The following UNC13B variants were observed in gnomAD, a reference collection of about 807,000 sequenced individuals.
UNC13B encodes protein unc-13 homolog B.
In UNC13B, 144 loss-of-function variants were observed where a neutral mutation model predicts 211.0. The ratio of observed to expected loss-of-function variants is 0.68; its 90% CI spans 0.60 to 0.78. The LOEUF (loss-of-function observed/expected upper bound fraction) is 0.78. UNC13B is among the 30% of genes least tolerant of loss of function. UNC13B has a pLI of 0.00. For missense variants in UNC13B, 1,777 were observed against 2,002.0 expected (o/e 0.89, Z 2.14); for synonymous variants, 709 against 725.8 (o/e 0.98, Z 0.37).
At chr9:35,182,430 T>A (rs1178563314) in intron 1 of UNC13B, among the ~76,000 whole-genome samples, 1 of 151,676 alleles carries the variant, frequency 6.6e-6, no homozygotes, top group Non-Finnish European at 1.5e-5. Flanking sequence ...TTTATTTTTT[T>A]AACACAAAAT....
At chr9:35,210,529 A>ATTT (rs5897596) in intron 1 of UNC13B, among the ~76,000 whole-genome samples, 1 of 148,410 alleles carries the variant, frequency 6.7e-6, no homozygotes, top group African/African-American at 2.5e-5. Context: ...TAATAAACTT[A>ATTT]TTTTTTTTTT....
In UNC13B at chr9:35,310,765, C is replaced by A; in HGVS notation, c.9307C>A (p.Leu3103Ile). The change falls in exon 10 of 40, where the codon CTA becomes ATA. Residue 3103 changes from leucine to isoleucine, a missense_variant. Coordinates refer to ENST00000635942, the MANE Select transcript of UNC13B (RefSeq NM_001371189.2). ...PDLVLQKDHF[L>I]GPQESFPEEN... is the part of the protein sequence containing the mutation. ...TCTGGTGCTGCAAAAAGACCACTTCCTAGGTCCCCAGGAGAGGTAGGCAAC... is the reference window on the plus strand; with the variant it reads ...TCTGGTGCTGCAAAAAGACCACTTCATAGGTCCCCAGGAGAGGTAGGCAAC... 1 of 1,613,636 alleles carries A rather than the reference C, an allele frequency of 6.2e-7. No homozygotes were observed. Among genetic ancestry groups the A allele is most frequent in the Non-Finnish European group, 8.5e-7 (1 of 1,179,790 alleles).
At chr9:35,323,418 G>A (rs1041914876) in intron 11 of UNC13B, among the ~76,000 whole-genome samples, 3 of 152,116 alleles carry the variant, frequency 2.0e-5, no homozygotes, top group Non-Finnish European at 4.4e-5. Flanking sequence ...TGCAAATCCT[G>A]TACATAAGCC....
At chr9:35,249,633 A>G (rs1387624466) in intron 6 of UNC13B, among the ~76,000 whole-genome samples, 2 of 152,152 alleles carry the variant, frequency 1.3e-5, no homozygotes, top group Non-Finnish European at 2.9e-5. Context: ...TTGGCTGGAT[A>G]TGAAATTCTG....
At chr9:35,355,914 T>C (rs1360548917) in intron 11 of UNC13B, among the ~76,000 whole-genome samples, 1 of 152,240 alleles carries the variant, frequency 6.6e-6, no homozygotes, top group Non-Finnish European at 1.5e-5. Flanking sequence ...GCACCAATGA[T>C]GAGGACACTT....
chr9:35,365,463 G>A (rs990072219), intron 11 of UNC13B, among the ~76,000 whole-genome samples: 3 of 152,186 alleles, frequency 2.0e-5, no homozygotes, highest in East Asian at 1.9e-4. Flanking sequence ...CTTAAGCCCA[G>A]TGGTTTCTGG....
chr9:35,162,236 C>T lies in UNC13B; in HGVS notation c.-48C>T. ...GCACCTGCTGAGAGGAAAGAGGGAGCGGTCCGGCGCGGCTGGGGCGCGGCA... is the reference window on the plus strand; with the variant it reads ...GCACCTGCTGAGAGGAAAGAGGGAGTGGTCCGGCGCGGCTGGGGCGCGGCA... On this transcript the variant is annotated 5_prime_UTR_variant, in exon 1 of 40. Transcript: ENST00000635942. 3 of 1,541,696 alleles carry T rather than the reference C, an allele frequency of 1.9e-6. No individual in the cohort carries two copies. The highest frequency in any genetic ancestry group is 1.7e-6 in the Non-Finnish European group (2 of 1,146,510).
At position 35,353,695 on chromosome 9, in the gene UNC13B, C is replaced by T. The variant is rs993374632; in HGVS notation, c.9415-13252C>T. On this transcript the variant is annotated intron_variant, in intron 11 of 39. Transcript: ENST00000635942. ...TGTGTACAGAGACCGTTTACCTCAA[C>T]AAGTGCATCAACAATTTTAAGAATG... is the stretch of plus-strand genomic sequence containing the variant. 4.1e-6 allele frequency: 5 copies of T among 1,232,008 alleles called. No homozygotes were observed. The African/African-American group carries it at 6.2e-5, about 15-fold the overall frequency. 76.3% of individuals were successfully genotyped at this position (1,232,008 alleles called of 1,614,324 possible).
chr9:35,242,957 G>T (rs568306939), intron 5 of UNC13B, among the ~76,000 whole-genome samples: 2 of 152,066 alleles, frequency 1.3e-5, no homozygotes, highest in African/African-American at 4.8e-5. Context: ...AGGTAGTATG[G>T]TTACATAGAA....
In UNC13B at chr9:35,366,964, C is replaced by T; in HGVS notation, c.9432C>T (p.Asp3144=). 1.9e-6 allele frequency: 3 copies of T among 1,613,938 alleles called. No individual in the cohort carries two copies. Among genetic ancestry groups the T allele is most frequent in the South Asian group, 1.1e-5 (1 of 91,070 alleles). ...TTTTAAAGATTCCAGATGATGGTGACCCCTCTCTGCCTCAGTGGCTCCCGG... is the reference window on the plus strand; with the variant it reads ...TTTTAAAGATTCCAGATGATGGTGATCCCTCTCTGCCTCAGTGGCTCCCGG... The part of the protein sequence containing the change: ...LQLQEIPDDG[D]PSLPQWLPEG... Residue 3144 remains aspartate, a synonymous_variant, in exon 12 of 40, where the codon GAC becomes GAT. Transcript: ENST00000635942.
chr9:35,347,745 C>T (rs969374525), intron 11 of UNC13B, among the ~76,000 whole-genome samples: 2 of 152,220 alleles, frequency 1.3e-5, no homozygotes, highest in Middle Eastern at 3.2e-3. Flanking sequence ...GCTGCTATGG[C>T]AGCTCTAGTT....
In UNC13B at chr9:35,302,104, T is replaced by C. The variant is rs1829713971; in HGVS notation, c.2700T>C (p.Asn900=). The part of the protein sequence containing the change: ...FSFTDSKVTV[N]DQSLRGSAVT... Reference sequence around the variant, plus strand: ...TCACTGACAGCAAGGTTACTGTTAATGACCAGAGTTTACGTGGCTCAGCAG... The same window carrying C: ...TCACTGACAGCAAGGTTACTGTTAACGACCAGAGTTTACGTGGCTCAGCAG... The change falls in exon 9 of 40, where the codon AAT becomes AAC. Residue 900 remains asparagine, a synonymous_variant. Transcript: ENST00000635942. The C allele has an allele frequency of 5.0e-6, 2 of 398,636 alleles. No homozygotes were observed. The highest frequency in any genetic ancestry group is 8.9e-6 in the Non-Finnish European group (2 of 225,844). The allele number at this position is 398,636 out of a possible 1,614,324, so 24.7% of individuals were successfully genotyped here. A position where few individuals can be genotyped will look rare whatever the true frequency, so the allele number is the denominator to read the frequency against.
rs748826271 is a variant in UNC13B at position 35,399,748 on chromosome 9, TCAGA to T, written c.12336+23_12336+26del. ...CATCAAGGTGGAGGCCCCCCCTTTTTCAGACAGTCTTAACCACCACACTCACTTG... is the reference window on the plus strand; with the variant it reads ...CATCAAGGTGGAGGCCCCCCCTTTTTCAGTCTTAACCACCACACTCACTTG... On this transcript the variant is annotated intron_variant, in intron 36 of 39. Transcript: ENST00000635942. 1.2e-6 allele frequency: 2 copies of T among 1,613,434 alleles called. No homozygotes were observed. Among genetic ancestry groups the T allele is most frequent in the African/African-American group, 2.7e-5 (2 of 74,854 alleles).
intron 11 of UNC13B, among the ~76,000 whole-genome samples, chr9:35,343,717 G>C (rs1012610965): frequency 3.9e-5 from 6 of 151,976 alleles, no homozygotes; most frequent in Non-Finnish European, 8.8e-5. Flanking sequence ...GGTTTGGAAG[G>C]CTCTCCAGAG....
chr9:35,184,398 A>T (rs1210408559), intron 1 of UNC13B, among the ~76,000 whole-genome samples: 5 of 152,202 alleles, frequency 3.3e-5, no homozygotes, highest in Admixed American at 3.3e-4. Context: ...AGATCAAGCC[A>T]CTGCACTCCA....
intron 1 of UNC13B, among the ~76,000 whole-genome samples, chr9:35,194,596 C>A (rs546888325): frequency 6.6e-6 from 1 of 152,274 alleles, no homozygotes; most frequent in African/African-American, 2.4e-5. Context: ...AGAATGGCAG[C>A]CACGCTAACC....
intron 1 of UNC13B, among the ~76,000 whole-genome samples, chr9:35,180,120 GC>G (rs1355733193): frequency 1.3e-5 from 2 of 152,188 alleles, no homozygotes; most frequent in Admixed American, 6.5e-5. Context: ...ACTTGTACAT[GC>G]TCAATTATAA....
chr9:35,385,132 C>G, intron 22 of UNC13B: 1 of 985,436 alleles, frequency 1.0e-6, no homozygotes, highest in African/African-American at 1.7e-5. Flanking sequence ...CCCTTCAGCT[C>G]TTCATAGCAG....
chr9:35,260,767 A>AC (rs1344483432), intron 7 of UNC13B, among the ~76,000 whole-genome samples: 1 of 152,190 alleles, frequency 6.6e-6, no homozygotes, highest in Non-Finnish European at 1.5e-5. Flanking sequence ...TTTCAGGTTT[A>AC]CAGGTCCTTT....
Sources: gnomAD v4.1 joint callset for allele counts (sites outside exome capture counted in the v4.1 genomes callset) on GRCh38, gnomAD v4.1.1 for gene constraint, MANE v1.5 for transcripts, NCBI Gene and HGNC (gene_info 2026-07-23, HGNC 2026-07-21) for gene names.